ALX4: variants seen among roughly 807,000 people sequenced by gnomAD.
ALX4 encodes ALX homeobox 4.
Under a neutral mutation model 40.6 loss-of-function variants are expected in ALX4, and 22 were observed. The observed-to-expected ratio is 0.54, with a 90% CI of 0.39 to 0.77. ALX4 has a LOEUF of 0.77. ALX4 is among the 30% of genes least tolerant of loss of function. The pLI is 0.00. For synonymous variants in ALX4, 266 were observed against 240.5 expected (o/e 1.11, Z -0.98); for missense variants, 556 against 564.8 (o/e 0.98, Z 0.16).
In ALX4 at chr11:44,264,514, T is replaced by C. The variant is rs967178204; in HGVS notation, c.*340A>G. The stretch of plus-strand genomic sequence containing the variant: ...TGCATGGAAATCTAGCATTGACTCA[T>C]GGTCAACTAGGCAGAGCAGAGGAGT... On this transcript the variant is annotated 3_prime_UTR_variant, in exon 4 of 4. Coordinates refer to ENST00000652299, the MANE Select transcript of ALX4 (RefSeq NM_021926.4). 5.6e-6 allele frequency: 2 copies of C among 355,062 alleles called. No homozygotes were observed. Among genetic ancestry groups the C allele is most frequent in the South Asian group, 3.8e-5 (1 of 26,604 alleles). 22.0% of individuals were successfully genotyped at this position (355,062 alleles called of 1,614,324 possible).
intron 1 of ALX4, among the ~76,000 whole-genome samples, chr11:44,301,988 C>T (rs1956437536): frequency 6.6e-6 from 1 of 152,110 alleles, no homozygotes; most frequent in African/African-American, 2.4e-5. Context: ...GGTGGTTGGG[C>T]CCCACCGGGG....
intron 1 of ALX4, among the ~76,000 whole-genome samples, chr11:44,299,974 C>T (rs1355535093): frequency 6.6e-6 from 1 of 152,176 alleles, no homozygotes; most frequent in Non-Finnish European, 1.5e-5. Context: ...GGCAGGGACG[C>T]TCAGTTGTTC....
At chr11:44,304,863 C>T (rs1213550811) in intron 1 of ALX4, among the ~76,000 whole-genome samples, 1 of 152,194 alleles carries the variant, frequency 6.6e-6, no homozygotes, top group Non-Finnish European at 1.5e-5. Flanking sequence ...GTGCCGGCGT[C>T]GCAGCGCGTG....
At chr11:44,293,828 A>G (rs1590700499) in intron 1 of ALX4, among the ~76,000 whole-genome samples, 1 of 152,306 alleles carries the variant, frequency 6.6e-6, no homozygotes, top group African/African-American at 2.4e-5. Flanking sequence ...TACCCACAGG[A>G]GCTGCTCCCA....
In ALX4 at chr11:44,307,924, A is replaced by G. The variant is rs76177854; in HGVS notation, c.466+1673T>C. On this transcript the variant is annotated intron_variant, in intron 1 of 3. Coordinates refer to ENST00000652299, the MANE Select transcript of ALX4 (RefSeq NM_021926.4). ...TGGAGCTGTGGGTGTCTGTGTGTGGAGCAGTGGGTGTCTGTGTGTGGAACT... is the reference window on the plus strand; with the variant it reads ...TGGAGCTGTGGGTGTCTGTGTGTGGGGCAGTGGGTGTCTGTGTGTGGAACT... Among the ~76,000 whole-genome samples, 1,515 of 151,558 alleles carry G rather than the reference A, an allele frequency of 1.0e-2. 29 individuals are homozygous for G. Among genetic ancestry groups the G allele is most frequent in the African/African-American group, 0.035 (1,441 of 41,290 alleles).
Position 44,275,632 on chromosome 11 carries a change from C to A in ALX4, c.493G>T (p.Glu165Ter). 6.2e-7 allele frequency: 1 copy of A among 1,613,502 alleles called. No individual in the cohort carries two copies. Among genetic ancestry groups the A allele is most frequent in the Non-Finnish European group, 8.5e-7 (1 of 1,179,578 alleles). The change falls in exon 2 of 4, where the codon GAG (glutamate) becomes TAG (stop). Residue 165 changes from glutamate to a stop codon, truncating the protein, a stop_gained. Transcript: ENST00000652299. LOFTEE classifies it high-confidence loss of function. ...ACAGTGTCAGAGTCAGGGGGTAACT[C>A]TGGCTCACCCAGGGAGCTCTCTTTA... ...YAKESSLGEP[E>*]LPPDSDTVGM...
chr11:44,304,404 G>A (rs1956454036), intron 1 of ALX4, among the ~76,000 whole-genome samples: 1 of 152,154 alleles, frequency 6.6e-6, no homozygotes, highest in Admixed American at 6.5e-5. Context: ...GTTCTCTCTG[G>A]TTAAGCGTTC....
chr11:44,284,591 G>C (rs1417512923), intron 1 of ALX4, among the ~76,000 whole-genome samples: 1 of 152,120 alleles, frequency 6.6e-6, no homozygotes, highest in Non-Finnish European at 1.5e-5. Flanking sequence ...GTGGCATTCA[G>C]GGTCCCGAAG....
chr11:44,305,422 A>G (rs1273157861), intron 1 of ALX4, among the ~76,000 whole-genome samples: 2 of 152,228 alleles, frequency 1.3e-5, no homozygotes, highest in Non-Finnish European at 2.9e-5. Context: ...CTCCAAAATT[A>G]AACAACAGTC....
chr11:44,279,051 CAG>C (rs1182381943), intron 1 of ALX4, among the ~76,000 whole-genome samples: 1 of 152,208 alleles, frequency 6.6e-6, no homozygotes, highest in East Asian at 1.9e-4. Flanking sequence ...ACAGCCCTCT[CAG>C]AGTCTGAGTC....
intron 2 of ALX4, among the ~76,000 whole-genome samples, chr11:44,267,831 C>T (rs896293077): frequency 6.6e-6 from 1 of 152,172 alleles, no homozygotes; most frequent in Non-Finnish European, 1.5e-5. Context: ...AGGTATCTTA[C>T]CCCCACTAGC....
chr11:44,306,220 G>A (rs1361744283), intron 1 of ALX4, among the ~76,000 whole-genome samples: 1 of 152,368 alleles, frequency 6.6e-6, no homozygotes, highest in Middle Eastern at 3.4e-3. Context: ...CTGCGGAGCC[G>A]CCTTAATCGT....
At chr11:44,304,934 C>T (rs1263754678) in intron 1 of ALX4, among the ~76,000 whole-genome samples, 1 of 152,228 alleles carries the variant, frequency 6.6e-6, no homozygotes, top group African/African-American at 2.4e-5. Flanking sequence ...CCTGGCGCAG[C>T]CGCTTGGAAC....
rs77640542 is a variant in ALX4 at position 44,271,036 on chromosome 11, C to T, written c.778-3414G>A. ...CCAGGAAAAGTCCATCTTGGGGCCC[C>T]CATTGCCCCGTCCCTGTCCCCACCA... On this transcript the variant is annotated intron_variant, in intron 2 of 3. Coordinates refer to ENST00000652299, the MANE Select transcript of ALX4 (RefSeq NM_021926.4). Among the ~76,000 whole-genome samples, 1,042 of 152,326 alleles carry T rather than the reference C, an allele frequency of 6.8e-3. 13 individuals are homozygous for T. Among genetic ancestry groups the T allele is most frequent in the African/African-American group, 0.023 (974 of 41,580 alleles).
intron 1 of ALX4, among the ~76,000 whole-genome samples, chr11:44,295,270 G>A (rs1956396683): frequency 6.6e-6 from 1 of 152,244 alleles, no homozygotes. Context: ...ATTTGCCCAA[G>A]GTCACTCAGC....
At chr11:44,270,656 C>T (rs980453644) in intron 2 of ALX4, among the ~76,000 whole-genome samples, 2 of 152,148 alleles carry the variant, frequency 1.3e-5, no homozygotes, top group African/African-American at 4.8e-5. Context: ...CCCCCACGCC[C>T]GTTCCTGTGC....
chr11:44,308,121 T>C (rs1956480191), intron 1 of ALX4, among the ~76,000 whole-genome samples: 2 of 152,166 alleles, frequency 1.3e-5, no homozygotes, highest in African/African-American at 4.8e-5. Flanking sequence ...GGTTTGGGAG[T>C]ATGTGGCTCA....
At chr11:44,308,106 C>G (rs764823789) in intron 1 of ALX4, among the ~76,000 whole-genome samples, 7 of 152,140 alleles carry the variant, frequency 4.6e-5, no homozygotes, top group African/African-American at 1.2e-4. Flanking sequence ...CAGTTCTGTC[C>G]TATGGGTTTG....
chr11:44,289,981 C>A (rs1267052679), intron 1 of ALX4, among the ~76,000 whole-genome samples: 1 of 152,200 alleles, frequency 6.6e-6, no homozygotes, highest in Non-Finnish European at 1.5e-5. Context: ...CCCACTGGAC[C>A]AGACCCTCCC....
Sources: allele counts gnomAD v4.1 joint callset (sites outside exome capture counted in the v4.1 genomes callset), GRCh38; gene constraint gnomAD v4.1.1; transcripts MANE v1.5; gene names NCBI Gene and HGNC (gene_info 2026-07-23, HGNC 2026-07-21).